Variants in VIT observed in about 807,000 individuals in gnomAD.
VIT encodes the protein vitrin.
VIT carries 99 observed loss-of-function variants against 78.0 expected under a neutral mutation model. The observed-to-expected ratio is 1.27, with a 90% CI of 1.08 to 1.50. The LOEUF is 1.50. VIT is among the 40% of genes most tolerant of loss of function. The probability of loss-of-function intolerance (pLI) is 0.00; values close to 1 mark genes in which losing one functional copy is unlikely to be tolerated. For synonymous variants in VIT, 374 were observed against 334.3 expected, an observed-to-expected ratio of 1.12 and a Z score of -1.29; for missense variants, 1,126 against 875.3, an observed-to-expected ratio of 1.29 and a Z score of -3.61.
At chr2:36,710,425 C>T (rs1160544463) in intron 1 of VIT, among the ~76,000 whole-genome samples, 3 of 152,106 alleles carry the variant, frequency 2.0e-5, no homozygotes, top group African/African-American at 7.2e-5. Flanking sequence ...AGTATAGAGT[C>T]TGATAAGTTT....
intron 3 of VIT, among the ~76,000 whole-genome samples, chr2:36,730,976 A>G (rs1469937200): frequency 6.6e-6 from 1 of 152,230 alleles, no homozygotes; most frequent in Non-Finnish European, 1.5e-5. Context: ...AAGGGTAGGT[A>G]TATGTAAAAT....
rs147955243 is a variant in VIT at position 36,789,383 on chromosome 2, T to C, written c.1058+2107T>C. Among the ~76,000 whole-genome samples, 470 of 152,340 alleles carry C rather than the reference T, an allele frequency of 3.1e-3. 1 individual carries two copies. Among genetic ancestry groups the C allele is most frequent in the Admixed American group, 5.2e-3 (79 of 15,306 alleles). ...ATTCAGAAGACATCCAGTAAATGAA[T>C]GTGGGACTAACAGACCAGATAACTG... On this transcript the variant is annotated intron_variant, in intron 12 of 15. Coordinates refer to ENST00000379242, the MANE Select transcript of VIT (RefSeq NM_053276.4).
Position 36,814,674 on chromosome 2 carries a change from G to T in VIT, c.*313G>T, listed in dbSNP as rs1477347813. Reference sequence around the variant, plus strand: ...AGCCCTTACGACAGGCTTACGTAGAGCTTTTGTGAGATTTTTAAGTTGTTA... The same window carrying T: ...AGCCCTTACGACAGGCTTACGTAGATCTTTTGTGAGATTTTTAAGTTGTTA... On this transcript the variant is annotated 3_prime_UTR_variant, in exon 16 of 16. Coordinates refer to ENST00000379242, the MANE Select transcript of VIT (RefSeq NM_053276.4). 4.2e-6 allele frequency: 1 copy of T among 235,380 alleles called. No individual in the cohort carries two copies. The highest frequency in any genetic ancestry group is 2.2e-5 in the African/African-American group (1 of 44,652). 14.6% of individuals were successfully genotyped at this position (235,380 alleles called of 1,614,324 possible). A position where few individuals can be genotyped will look rare whatever the true frequency, so the allele number is the denominator to read the frequency against.
intron 7 of VIT, among the ~76,000 whole-genome samples, chr2:36,770,572 G>A (rs1006000279): frequency 2.6e-5 from 4 of 152,174 alleles, no homozygotes; most frequent in African/African-American, 4.8e-5. Flanking sequence ...GAAAGCCAGA[G>A]CAATAGAGAC....
rs910636000 is a variant in VIT, at chr2:36,808,583, T to C, written c.1501T>C (p.Cys501Arg). 1.2e-6 allele frequency: 2 copies of C among 1,614,190 alleles called. No individual in the cohort carries two copies. Reference sequence around the variant, plus strand: ...GGTCTGCGACACTGACCGCCTGGCCTGCAGCAAGACCTGCTTGAACTCGGC... The same window carrying C: ...GGTCTGCGACACTGACCGCCTGGCCCGCAGCAAGACCTGCTTGAACTCGGC... ...KRVCDTDRLA[C>R]SKTCLNSADI... Residue 501 changes from cysteine to arginine, a missense_variant, in exon 15 of 16, where the codon TGC becomes CGC. Cys to Arg is a radical substitution (Grantham distance 180). Transcript: ENST00000379242.
At chr2:36,699,584 TTATAGA>T (rs149502017) in intron 1 of VIT, among the ~76,000 whole-genome samples, 2,582 of 83,364 alleles carry the variant, frequency 0.031, 80 homozygotes, top group African/African-American at 0.091. Context: ...TTAGAGGAGA[TTATAGA>T]TATAGATATA....
At chr2:36,710,633 G>T (rs562090130) in intron 1 of VIT, among the ~76,000 whole-genome samples, 3 of 152,184 alleles carry the variant, frequency 2.0e-5, no homozygotes, top group African/African-American at 7.2e-5. Flanking sequence ...GCAGTGTAAT[G>T]ATATGAATGT....
chr2:36,729,896 G>A (rs1030122681), intron 3 of VIT, among the ~76,000 whole-genome samples: 1 of 152,160 alleles, frequency 6.6e-6, no homozygotes, highest in Non-Finnish European at 1.5e-5. Context: ...GGGAGCAGAA[G>A]GCAAATCTCG....
At chr2:36,742,330 T>C (rs1667883278) in intron 3 of VIT, among the ~76,000 whole-genome samples, 1 of 152,128 alleles carries the variant, frequency 6.6e-6, no homozygotes, top group South Asian at 2.1e-4. Context: ...GCAGTAGCAA[T>C]AGCAAAGCCA....
chr2:36,757,839 G>C (rs1477274907), intron 5 of VIT, among the ~76,000 whole-genome samples: 1 of 152,128 alleles, frequency 6.6e-6, no homozygotes, highest in African/African-American at 2.4e-5. Flanking sequence ...GAAAACACAA[G>C]AGCCTCAAAG....
rs755181322 is a variant in VIT at position 36,805,610 on chromosome 2, A to T, written c.1335A>T (p.Glu445Asp). The change falls in exon 14 of 16, where the codon GAA becomes GAT. Residue 445 changes from glutamate (E) to aspartate (D), a missense_variant. Physicochemically the swap from Glu to Asp is conservative, Grantham distance 45. Coordinates refer to ENST00000379242, the MANE Select transcript of VIT (RefSeq NM_053276.4). The stretch of plus-strand genomic sequence containing the variant: ...TCAACATTTTCTTCATCACCATTGA[A>T]GGTGCTGCTGAAAATGAGAAGCAGT... ...SGINIFFITI[E>D]GAAENEKQYV... 3.7e-6 allele frequency: 6 copies of T among 1,614,064 alleles called. No homozygotes were observed. In the East Asian group the frequency reaches 1.3e-4, roughly 36 times the overall value.
intron 12 of VIT, among the ~76,000 whole-genome samples, chr2:36,800,296 G>C (rs998180915): frequency 6.6e-6 from 1 of 152,168 alleles, no homozygotes; most frequent in East Asian, 1.9e-4. Context: ...AGTGAGCTGA[G>C]ATCGCGCCAC....
At chr2:36,751,089 G>A (rs185655365) in intron 4 of VIT, among the ~76,000 whole-genome samples, 18 of 151,326 alleles carry the variant, frequency 1.2e-4, no homozygotes, top group South Asian at 8.4e-4. Context: ...GCAAAACCCC[G>A]TCTCTACTAA....
At chr2:36,793,259 C>T (rs1394270154) in intron 12 of VIT, among the ~76,000 whole-genome samples, 1 of 152,162 alleles carries the variant, frequency 6.6e-6, no homozygotes, top group Admixed American at 6.5e-5. Context: ...CAATTTTCTA[C>T]CCTTTTTGGT....
At chr2:36,785,506 C>T (rs1048206379) in intron 11 of VIT, among the ~76,000 whole-genome samples, 1 of 152,220 alleles carries the variant, frequency 6.6e-6, no homozygotes, top group Non-Finnish European at 1.5e-5. Context: ...GTTTTAGTGG[C>T]ATTTTTCAAC....
chr2:36,732,690 A>C (rs1667281428), intron 3 of VIT, among the ~76,000 whole-genome samples: 1 of 152,196 alleles, frequency 6.6e-6, no homozygotes, highest in Admixed American at 6.5e-5. Flanking sequence ...CCCAGACTCG[A>C]TCTATGCCCT....
At chr2:36,789,730 C>A (rs1312963950) in intron 12 of VIT, among the ~76,000 whole-genome samples, 1 of 152,204 alleles carries the variant, frequency 6.6e-6, no homozygotes, top group African/African-American at 2.4e-5. Context: ...TTTGCTCCCC[C>A]TTAAAATCAT....
chr2:36,805,314 A>G, intron 13 of VIT, 124 bp from the exon 14 acceptor site: 1 of 1,164,972 alleles, frequency 8.6e-7, no homozygotes, highest in African/African-American at 1.6e-5. Flanking sequence ...AAAGGAAAAA[A>G]AAAAAAAAAA....
intron 12 of VIT, among the ~76,000 whole-genome samples, chr2:36,788,970 T>C (rs995575892): frequency 2.6e-5 from 4 of 152,166 alleles, no homozygotes; most frequent in African/African-American, 9.7e-5. Flanking sequence ...TTTCCCCACA[T>C]ACTCCCAATG....
Sources: gnomAD v4.1 joint callset for allele counts (sites outside exome capture counted in the v4.1 genomes callset) on GRCh38, gnomAD v4.1.1 for gene constraint, MANE v1.5 for transcripts, NCBI Gene and HGNC (gene_info 2026-07-23, HGNC 2026-07-21) for gene names.